PCCA: variants seen among roughly 807,000 people sequenced by gnomAD.
PCCA encodes the protein propionyl-CoA carboxylase alpha chain, mitochondrial.
A neutral mutation model predicts 101.3 loss-of-function variants in PCCA; 74 were observed. The observed-to-expected ratio is 0.73, with a 90% CI of 0.61 to 0.89. PCCA has a LOEUF of 0.89. PCCA is among the 40% of genes least tolerant of loss of function. PCCA has a pLI of 0.00. For synonymous variants in PCCA, 294 were observed against 313.6 expected (o/e 0.94, Z 0.66); for missense variants, 891 against 907.0 (o/e 0.98, Z 0.23).
At chr13:100,143,560 A>T (rs894971130) in intron 4 of PCCA, among the ~76,000 whole-genome samples, 200 of 151,738 alleles carry the variant, frequency 1.3e-3, no homozygotes, top group African/African-American at 4.7e-3. Flanking sequence ...ATAAAAAAAA[A>T]AAATAAAAAT....
chr13:100,283,175 T>C (rs1052132508), intron 12 of PCCA, among the ~76,000 whole-genome samples: 12 of 152,194 alleles, frequency 7.9e-5, no homozygotes, highest in Admixed American at 7.2e-4. Flanking sequence ...AGATCAAACC[T>C]TGGCCTTTAA....
chr13:100,407,748 C>G (rs756042072), intron 19 of PCCA, among the ~76,000 whole-genome samples: 1 of 152,118 alleles, frequency 6.6e-6, no homozygotes. Context: ...TCCTTGTAAC[C>G]TTTTGCTAAA....
chr13:100,189,604 G>A (rs1268318073), intron 6 of PCCA, among the ~76,000 whole-genome samples: 1 of 152,014 alleles, frequency 6.6e-6, no homozygotes, highest in Non-Finnish European at 1.5e-5. Flanking sequence ...TAATTAAGTC[G>A]CATCTTTTAT....
At chr13:100,404,233 G>A (rs1426126722) in intron 19 of PCCA, among the ~76,000 whole-genome samples, 1 of 152,174 alleles carries the variant, frequency 6.6e-6, no homozygotes, top group East Asian at 1.9e-4. Flanking sequence ...CCTTTTACCA[G>A]TTTGCACAGG....
At chr13:100,159,459 G>A (rs1367517096) in intron 6 of PCCA, among the ~76,000 whole-genome samples, 1 of 152,106 alleles carries the variant, frequency 6.6e-6, no homozygotes, top group African/African-American at 2.4e-5. Context: ...ATCCAATCTG[G>A]TTCCCGCGCA....
At chr13:100,439,731 G>C (rs2080204126) in intron 20 of PCCA, among the ~76,000 whole-genome samples, 1 of 151,876 alleles carries the variant, frequency 6.6e-6, no homozygotes, top group African/African-American at 2.4e-5. Context: ...ACTAACTGCT[G>C]TTGGCCTGTT....
At chr13:100,263,221 A>G (rs989116361) in intron 10 of PCCA, among the ~76,000 whole-genome samples, 1 of 152,178 alleles carries the variant, frequency 6.6e-6, no homozygotes, top group African/African-American at 2.4e-5. Flanking sequence ...AGTTTAAGAT[A>G]TTCATCCTTA....
intron 7 of PCCA, among the ~76,000 whole-genome samples, chr13:100,213,688 C>T (rs1464797140): frequency 1.3e-5 from 2 of 152,072 alleles, no homozygotes; most frequent in East Asian, 3.9e-4. Flanking sequence ...CATGAGTTGT[C>T]TCTTGACTGT....
chr13:100,111,678 T>C (rs900176351), intron 2 of PCCA, among the ~76,000 whole-genome samples, 163 bp from the exon 3 acceptor site: 3 of 152,174 alleles, frequency 2.0e-5, no homozygotes, highest in Non-Finnish European at 4.4e-5. Flanking sequence ...TTATAGTACA[T>C]TTAATATTAC....
chr13:100,321,072 C>T (rs934131800), intron 16 of PCCA, among the ~76,000 whole-genome samples: 1 of 152,170 alleles, frequency 6.6e-6, no homozygotes, highest in Non-Finnish European at 1.5e-5. Flanking sequence ...AGCTACTTAT[C>T]TTTGGGTCCT....
chr13:100,386,358 A>G (rs756293124), intron 19 of PCCA, among the ~76,000 whole-genome samples: 4 of 152,126 alleles, frequency 2.6e-5, no homozygotes, highest in South Asian at 4.1e-4. Flanking sequence ...TAAAAAGTTG[A>G]GAGTGTCTTC....
chr13:100,182,673 C>T (rs1462210887), intron 6 of PCCA, among the ~76,000 whole-genome samples: 2 of 152,130 alleles, frequency 1.3e-5, no homozygotes, highest in African/African-American at 4.8e-5. Context: ...TCTCTGCTTT[C>T]CACCTCTGCT....
chr13:100,283,327 G>A (rs1020980916), intron 12 of PCCA, among the ~76,000 whole-genome samples: 5 of 152,116 alleles, frequency 3.3e-5, no homozygotes, highest in African/African-American at 9.7e-5. Context: ...ATCCCCACTG[G>A]GACCTTGACT....
Position 100,408,913 on chromosome 13 carries a change from A to G in PCCA, c.1747-16720A>G, listed in dbSNP as rs1040907006. Among the ~76,000 whole-genome samples, 120 of 152,248 alleles carry G rather than the reference A, an allele frequency of 7.9e-4. 1 individual carries two copies. Among genetic ancestry groups the G allele is most frequent in the Admixed American group, 2.6e-4 (4 of 15,288 alleles). On this transcript the variant is annotated intron_variant, in intron 19 of 23. Transcript: ENST00000376285. ...CAGCAGGTTAAAAAATGCCTAGGAA[A>G]GAACCTTTTATTCTCATGCAAGTGG...
intron 19 of PCCA, among the ~76,000 whole-genome samples, chr13:100,372,414 A>G (rs116682325): frequency 6.6e-6 from 1 of 152,132 alleles, no homozygotes. Context: ...AAAAGCTTCA[A>G]GGTATTGGAT....
At chr13:100,231,061 G>T (rs926806534) in intron 7 of PCCA, among the ~76,000 whole-genome samples, 1 of 152,118 alleles carries the variant, frequency 6.6e-6, no homozygotes, top group Non-Finnish European at 1.5e-5. Context: ...CAGTTACCAC[G>T]CCTGAGAAAG....
intron 19 of PCCA, among the ~76,000 whole-genome samples, chr13:100,421,928 G>T (rs889403047): frequency 6.6e-6 from 1 of 151,866 alleles, no homozygotes; most frequent in African/African-American, 2.4e-5. Context: ...TAGGTGATCC[G>T]CCCGCCTCGG....
At chr13:100,528,306 C>G (rs2088036857) in intron 23 of PCCA, among the ~76,000 whole-genome samples, 1 of 152,128 alleles carries the variant, frequency 6.6e-6, no homozygotes, top group African/African-American at 2.4e-5. Context: ...TCCTTTTAAG[C>G]AGTAACTTCA....
intron 9 of PCCA, among the ~76,000 whole-genome samples, chr13:100,262,336 G>T (rs984234968): frequency 6.6e-6 from 1 of 151,970 alleles, no homozygotes; most frequent in Non-Finnish European, 1.5e-5. Context: ...AGAGGTTGCA[G>T]TGAGCTGAGA....
Sources: allele counts gnomAD v4.1 joint callset (sites outside exome capture counted in the v4.1 genomes callset), GRCh38; gene constraint gnomAD v4.1.1; transcripts MANE v1.5; gene names NCBI Gene and HGNC (gene_info 2026-07-23, HGNC 2026-07-21).